INPP5A: variants seen among roughly 807,000 people sequenced by gnomAD.
INPP5A encodes 43 kDa inositol polyphosphate 5-phophatase.
A neutral mutation model predicts 65.2 loss-of-function variants in INPP5A; 14 were observed. That is an observed-to-expected ratio of 0.21 (90% confidence interval 0.14 to 0.34). The LOEUF (loss-of-function observed/expected upper bound fraction) is 0.34. INPP5A is among the 10% of genes least tolerant of loss of function. The probability of loss-of-function intolerance (pLI) is 1.00; values close to 1 mark genes in which losing one functional copy is unlikely to be tolerated. For missense variants in INPP5A, 431 were observed against 545.6 expected, an observed-to-expected ratio of 0.79 and a Z score of 2.09; for synonymous variants, 207 against 208.3, an observed-to-expected ratio of 0.99 and a Z score of 0.05.
chr10:132,778,005 G>A, intron 13 of INPP5A: 1 of 1,263,232 alleles, frequency 7.9e-7, no homozygotes, highest in Non-Finnish European at 1.1e-6. Flanking sequence ...CGAGTTCCTG[G>A]GCCATGGGCA....
chr10:132,565,660 TG>T (rs2071263814), intron 1 of INPP5A, among the ~76,000 whole-genome samples: 2 of 152,232 alleles, frequency 1.3e-5, no homozygotes, highest in South Asian at 2.1e-4. Flanking sequence ...TGTGTGTATG[TG>T]GGTCTATGTG....
rs879322944 is a variant in INPP5A, at chr10:132,697,301, A to G, written c.371-515A>G. Reference sequence around the variant, plus strand: ...AGGCCTGTGTCCCTGGGCCTGGCCTATCCACTGGGGGGTCCAGGAAAGGTG... The same window carrying G: ...AGGCCTGTGTCCCTGGGCCTGGCCTGTCCACTGGGGGGTCCAGGAAAGGTG... On this transcript the variant is annotated intron_variant, in intron 5 of 15. Transcript: ENST00000368594. This position sits in a 1 kb window ranked among gnomAD's most constrained non-coding sequence, Gnocchi z 5.6. Among the ~76,000 whole-genome samples the G allele has an allele frequency of 2.0e-5, 3 of 152,232 alleles. No homozygotes were observed. Among genetic ancestry groups the G allele is most frequent in the Non-Finnish European group, 4.4e-5 (3 of 68,038 alleles).
At chr10:132,749,994 G>A (rs1313613370) in intron 11 of INPP5A, 149 bp downstream of exon 11, 2 of 774,424 alleles carry the variant, frequency 2.6e-6, no homozygotes, top group African/African-American at 3.4e-5. Context: ...TCAGACTGCT[G>A]GGGACACATA....
At chr10:132,568,465 C>T (rs1357763863) in intron 1 of INPP5A, among the ~76,000 whole-genome samples, 1 of 152,102 alleles carries the variant, frequency 6.6e-6, no homozygotes, top group Admixed American at 6.6e-5. Flanking sequence ...GTGGCTCACG[C>T]CTGTAATCCC....
At chr10:132,688,912 G>A (rs1233698937) in intron 4 of INPP5A, among the ~76,000 whole-genome samples, 2 of 152,020 alleles carry the variant, frequency 1.3e-5, no homozygotes, top group Non-Finnish European at 2.9e-5. Flanking sequence ...GCACGTGAGT[G>A]TGCATGAGTG....
intron 8 of INPP5A, among the ~76,000 whole-genome samples, chr10:132,713,078 C>T (rs560426192): frequency 5.2e-4 from 78 of 148,938 alleles, no homozygotes; most frequent in Non-Finnish European, 9.7e-4. Flanking sequence ...AGCATATGCA[C>T]GTGGGTTGGA....
At position 132,676,230 on chromosome 10, in the gene INPP5A, G is replaced by A. The variant is rs955200465; in HGVS notation, c.307-14162G>A. 6.6e-6 allele frequency among the ~76,000 whole-genome samples: 1 copy of A among 152,170 alleles called. No homozygotes were observed. The highest frequency in any genetic ancestry group is 1.5e-5 in the Non-Finnish European group (1 of 68,036). On this transcript the variant is annotated intron_variant, in intron 4 of 15. Coordinates refer to ENST00000368594, the MANE Select transcript of INPP5A (RefSeq NM_005539.5). This position sits in a 1 kb window ranked among gnomAD's most constrained non-coding sequence, Gnocchi z 4.0. ...CAAATGAATCTCATTTTGAGAGGAA[G>A]AGCTCTAGGTGATACAGGTTTAAAA...
rs1404298098 is a variant in INPP5A, at chr10:132,730,846, G to A, written c.732+3941G>A. On this transcript the variant is annotated intron_variant, in intron 9 of 15. Transcript: ENST00000368594. ...CCAGGACATGAGGCTAACAAGCACC[G>A]AGGGCAGCCCAGGAACCCGATTTTT... is the stretch of plus-strand genomic sequence containing the variant. Among the ~76,000 whole-genome samples, 5 of 152,336 alleles carry A rather than the reference G, an allele frequency of 3.3e-5. No individual in the cohort carries two copies. In the Middle Eastern group the frequency reaches 0.01, roughly 311 times the overall value.
intron 11 of INPP5A, among the ~76,000 whole-genome samples, chr10:132,761,725 C>T (rs1289864564): frequency 6.6e-6 from 1 of 152,122 alleles, no homozygotes; most frequent in Non-Finnish European, 1.5e-5. Flanking sequence ...TTCATTGTCA[C>T]AACTAAAAAA....
Position 132,657,603 on chromosome 10 carries a change from C to T in INPP5A, c.306+7098C>T, listed in dbSNP as rs541196474. Among the ~76,000 whole-genome samples the T allele has an allele frequency of 7.9e-5, 12 of 152,310 alleles. No individual in the cohort carries two copies. The East Asian group carries it at 2.3e-3, about 29-fold the overall frequency. ...AGCGGTGGCCCAGGAATGAGAGGCC[C>T]GCTGCTTCCTGGGAGAGGCCCTTCT... On this transcript the variant is annotated intron_variant, in intron 4 of 15. Coordinates refer to ENST00000368594, the MANE Select transcript of INPP5A (RefSeq NM_005539.5).
intron 9 of INPP5A, among the ~76,000 whole-genome samples, chr10:132,729,138 C>T (rs1846038458): frequency 6.6e-6 from 1 of 152,158 alleles, no homozygotes; most frequent in Non-Finnish European, 1.5e-5. Context: ...TGAAGGACTG[C>T]AAGGCTTTCC....
At chr10:132,714,887 G>T (rs1845714108) in intron 8 of INPP5A, among the ~76,000 whole-genome samples, 1 of 152,226 alleles carries the variant, frequency 6.6e-6, no homozygotes, top group African/African-American at 2.4e-5. Flanking sequence ...TGAAATTGTT[G>T]CTGTTAACCT....
chr10:132,591,596 C>T (rs1434030876), intron 1 of INPP5A, among the ~76,000 whole-genome samples: 2 of 152,198 alleles, frequency 1.3e-5, no homozygotes, highest in Non-Finnish European at 2.9e-5. Flanking sequence ...GCATTGGAAG[C>T]GGGCCTTCTC....
At chr10:132,641,425 C>T (rs970192503) in intron 2 of INPP5A, among the ~76,000 whole-genome samples, 24 of 152,344 alleles carry the variant, frequency 1.6e-4, no homozygotes, top group African/African-American at 5.5e-4. Context: ...TTTCTCCATA[C>T]AGCTAACTAG....
At chr10:132,746,178 G>A (rs921499594) in intron 9 of INPP5A, among the ~76,000 whole-genome samples, 5 of 152,256 alleles carry the variant, frequency 3.3e-5, no homozygotes, top group African/African-American at 7.2e-5. Flanking sequence ...GAGCCCAGGC[G>A]CCTGCTGGCT....
intron 2 of INPP5A, among the ~76,000 whole-genome samples, chr10:132,636,587 A>C (rs1163649700): frequency 6.6e-6 from 1 of 152,230 alleles, no homozygotes; most frequent in Non-Finnish European, 1.5e-5. Context: ...AGCCACCCCC[A>C]GTCGCTCCTG....
intron 11 of INPP5A, among the ~76,000 whole-genome samples, chr10:132,755,706 TTTAG>T (rs1187579973): frequency 1.3e-5 from 2 of 151,796 alleles, no homozygotes; most frequent in Admixed American, 6.6e-5. Flanking sequence ...TGGTTTGCTT[TTTAG>T]TTAGAAAGTT....
intron 4 of INPP5A, among the ~76,000 whole-genome samples, chr10:132,662,841 C>G (rs1418973748): frequency 6.6e-6 from 1 of 152,164 alleles, no homozygotes; most frequent in Admixed American, 6.5e-5. Flanking sequence ...GCGAAGGGAC[C>G]CAGGGAACCT....
At chr10:132,779,987 C>T (rs751781566) in intron 13 of INPP5A, among the ~76,000 whole-genome samples, 5 of 152,248 alleles carry the variant, frequency 3.3e-5, no homozygotes, top group Non-Finnish European at 5.9e-5. Flanking sequence ...TAAATTACCA[C>T]GCTGCGTTTG....
Sources: gnomAD v4.1 joint callset for allele counts (sites outside exome capture counted in the v4.1 genomes callset) on GRCh38, gnomAD v4.1.1 for gene constraint, Gnocchi (gnomAD v3.1) non-coding constraint, MANE v1.5 for transcripts, NCBI Gene and HGNC (gene_info 2026-07-23, HGNC 2026-07-21) for gene names.